Variants in PDZRN4 observed in about 807,000 individuals in gnomAD.
PDZRN4 encodes PDZ domain containing ring finger 4.
Under a neutral mutation model 99.0 loss-of-function variants are expected in PDZRN4, and 70 were observed. The observed-to-expected ratio is 0.71, with a 90% CI of 0.58 to 0.86. The LOEUF (loss-of-function observed/expected upper bound fraction) is 0.86, where lower values mean the gene tolerates loss of function less well. Among genes scored for constraint, PDZRN4 ranks in the 40% least tolerant of loss-of-function variants. PDZRN4 has a pLI of 0.00. For synonymous variants in PDZRN4, 551 were observed against 501.6 expected (o/e 1.10, Z -1.32); for missense variants, 1,474 against 1,331.2 (o/e 1.11, Z -1.67).
At chr12:41,502,711 A>G (rs1938132400) in intron 3 of PDZRN4, among the ~76,000 whole-genome samples, 1 of 152,002 alleles carries the variant, frequency 6.6e-6, no homozygotes. Context: ...CAAAACAATT[A>G]AAAACTATAT....
chr12:41,302,426 T>C (rs1463704720), intron 3 of PDZRN4, among the ~76,000 whole-genome samples: 1 of 152,164 alleles, frequency 6.6e-6, no homozygotes, highest in Non-Finnish European at 1.5e-5. Context: ...CCCCAGTTTT[T>C]AAAATACAAC....
chr12:41,452,246 G>A lies in PDZRN4; in HGVS notation c.844-54210G>A, dbSNP rs980577533. On this transcript the variant is annotated intron_variant, in intron 3 of 9. Coordinates refer to ENST00000402685, the MANE Select transcript of PDZRN4 (RefSeq NM_001164595.2). ...AGATTGAGACTATTCTGGCTAACAC[G>A]GTGAAACCCTGTCTCTACTAAAAAA... Among the ~76,000 whole-genome samples the A allele has an allele frequency of 8.0e-5, 12 of 149,992 alleles. 1 individual carries two copies. The South Asian group carries it at 8.5e-4, about 11-fold the overall frequency.
At chr12:41,453,520 C>A (rs926640279) in intron 3 of PDZRN4, among the ~76,000 whole-genome samples, 1 of 152,218 alleles carries the variant, frequency 6.6e-6, no homozygotes, top group African/African-American at 2.4e-5. Flanking sequence ...ATTGATTTTG[C>A]TGAGTGCTAA....
At chr12:41,553,606 A>G (rs1749040757) in intron 6 of PDZRN4, among the ~76,000 whole-genome samples, 1 of 151,994 alleles carries the variant, frequency 6.6e-6, no homozygotes, top group African/African-American at 2.4e-5. Flanking sequence ...TGGCAATAGG[A>G]TAGCTTGAGC....
At chr12:41,302,832 C>G (rs368414277) in intron 3 of PDZRN4, among the ~76,000 whole-genome samples, 18 of 151,886 alleles carry the variant, frequency 1.2e-4, no homozygotes, top group African/African-American at 3.6e-4. Context: ...CTAAGTGAAC[C>G]TTAGAATCTA....
intron 3 of PDZRN4, chr12:41,438,062 G>T: frequency 6.3e-7 from 1 of 1,594,868 alleles, no homozygotes; most frequent in Admixed American, 1.7e-5. Flanking sequence ...CTTTGTGTTT[G>T]TCTGAAAGAC....
At chr12:41,331,924 T>C (rs1261306339) in intron 3 of PDZRN4, among the ~76,000 whole-genome samples, 2 of 152,104 alleles carry the variant, frequency 1.3e-5, no homozygotes, top group African/African-American at 2.4e-5. Flanking sequence ...GCCGAATCTA[T>C]CTGGAGCATT....
At chr12:41,512,495 A>C (rs915280818) in intron 5 of PDZRN4, among the ~76,000 whole-genome samples, 2 of 152,052 alleles carry the variant, frequency 1.3e-5, no homozygotes, top group African/African-American at 4.8e-5. Flanking sequence ...AAAGGACCTG[A>C]AGCAGAAGCA....
At chr12:41,407,968 G>C (rs1223714936) in intron 3 of PDZRN4, among the ~76,000 whole-genome samples, 2 of 152,188 alleles carry the variant, frequency 1.3e-5, no homozygotes, top group African/African-American at 4.8e-5. Flanking sequence ...TCATAGAAAA[G>C]TAATTAAAAT....
chr12:41,192,828 A>G (rs1950743835), intron 2 of PDZRN4, among the ~76,000 whole-genome samples: 1 of 152,236 alleles, frequency 6.6e-6, no homozygotes, highest in Admixed American at 6.5e-5. Flanking sequence ...ATTGTTTTCA[A>G]AATGCATATT....
At chr12:41,418,139 C>T (rs1952459315) in intron 3 of PDZRN4, among the ~76,000 whole-genome samples, 3 of 152,092 alleles carry the variant, frequency 2.0e-5, no homozygotes, top group Non-Finnish European at 4.4e-5. Context: ...AGCAGATTAT[C>T]ATTTATTTGA....
intron 3 of PDZRN4, among the ~76,000 whole-genome samples, chr12:41,261,088 C>G (rs898161291): frequency 1.3e-5 from 2 of 151,942 alleles, no homozygotes; most frequent in African/African-American, 4.8e-5. Context: ...ATAGCACATC[C>G]CAGTTTTAAA....
chr12:41,204,204 T>C (rs865897668), intron 3 of PDZRN4, among the ~76,000 whole-genome samples: 10 of 152,094 alleles, frequency 6.6e-5, no homozygotes, highest in Middle Eastern at 3.4e-3. Flanking sequence ...TTGCAGAATG[T>C]GTCATGGTGT....
intron 5 of PDZRN4, among the ~76,000 whole-genome samples, chr12:41,543,653 A>T (rs531519960): frequency 6.6e-6 from 1 of 152,270 alleles, no homozygotes; most frequent in South Asian, 2.1e-4. Context: ...TTTGGCTTTT[A>T]TTCGCTTTTT....
intron 3 of PDZRN4, among the ~76,000 whole-genome samples, chr12:41,485,033 C>T (rs1677670555): frequency 6.6e-6 from 1 of 152,116 alleles, no homozygotes; most frequent in African/African-American, 2.4e-5. Context: ...CCTCAGCCTC[C>T]TCAGGGAAAA....
intron 3 of PDZRN4, among the ~76,000 whole-genome samples, chr12:41,436,177 ACT>A (rs1472661956): frequency 6.6e-6 from 1 of 152,076 alleles, no homozygotes; most frequent in Non-Finnish European, 1.5e-5. Context: ...TTTCACACAC[ACT>A]GTTCCCAATT....
chr12:41,278,640 A>T (rs1265072597), intron 3 of PDZRN4, among the ~76,000 whole-genome samples: 1 of 152,204 alleles, frequency 6.6e-6, no homozygotes, highest in East Asian at 1.9e-4. Context: ...TCTCTTAATA[A>T]TCAAAATTCC....
At chr12:41,383,190 G>T (rs1481743141) in intron 3 of PDZRN4, among the ~76,000 whole-genome samples, 1 of 152,114 alleles carries the variant, frequency 6.6e-6, no homozygotes, top group Non-Finnish European at 1.5e-5. Flanking sequence ...ACTGAATGAG[G>T]ACTTTGGCAC....
chr12:41,301,430 A>T (rs1951534717), intron 3 of PDZRN4, among the ~76,000 whole-genome samples: 1 of 152,052 alleles, frequency 6.6e-6, no homozygotes, highest in African/African-American at 2.4e-5. Context: ...CAAATGAAAT[A>T]TGACTATGAA....
Sources: allele counts gnomAD v4.1 joint callset (sites outside exome capture counted in the v4.1 genomes callset), GRCh38; gene constraint gnomAD v4.1.1; transcripts MANE v1.5; gene names NCBI Gene and HGNC (gene_info 2026-07-23, HGNC 2026-07-21).